The following PAPPA2 variants were observed in gnomAD, a reference collection of about 807,000 sequenced individuals.
PAPPA2 encodes pappalysin 2.
PAPPA2 carries 86 observed loss-of-function variants against 176.4 expected under a neutral mutation model. That is an observed-to-expected ratio of 0.49 (90% CI 0.41 to 0.58). PAPPA2 has a LOEUF of 0.58. Among genes scored for constraint, PAPPA2 ranks in the 20% least tolerant of loss-of-function variants. The probability of loss-of-function intolerance (pLI) is 0.00; values close to 1 mark genes in which losing one functional copy is unlikely to be tolerated. For missense variants in PAPPA2, 2,073 were observed against 2,256.9 expected, an observed-to-expected ratio of 0.92 and a Z score of 1.65; for synonymous variants, 809 against 852.2, an observed-to-expected ratio of 0.95 and a Z score of 0.88.
intron 3 of PAPPA2, among the ~76,000 whole-genome samples, chr1:176,655,237 G>A (rs1028797945): frequency 6.6e-6 from 1 of 151,708 alleles, no homozygotes; most frequent in Non-Finnish European, 1.5e-5. Flanking sequence ...ATTTTGAGAT[G>A]TGTTCCGTCT....
intron 20 of PAPPA2, among the ~76,000 whole-genome samples, chr1:176,795,119 C>T (rs1395948230): frequency 6.6e-6 from 1 of 152,234 alleles, no homozygotes; most frequent in Non-Finnish European, 1.5e-5. Flanking sequence ...GTCCAAGGCA[C>T]CTGCACCCAG....
chr1:176,586,883 G>T (rs1375496684), intron 2 of PAPPA2, among the ~76,000 whole-genome samples: 1 of 152,160 alleles, frequency 6.6e-6, no homozygotes, highest in Non-Finnish European at 1.5e-5. Flanking sequence ...CTTCCACACA[G>T]GATGAATTAA....
At chr1:176,635,788 A>G (rs1656663203) in intron 3 of PAPPA2, among the ~76,000 whole-genome samples, 1 of 152,124 alleles carries the variant, frequency 6.6e-6, no homozygotes, top group Admixed American at 6.6e-5. Flanking sequence ...TTTTATGCTT[A>G]AGTATACTGT....
intron 1 of PAPPA2, among the ~76,000 whole-genome samples, chr1:176,483,874 G>A (rs913854398): frequency 2.8e-4 from 43 of 152,160 alleles, no homozygotes; most frequent in Non-Finnish European, 3.4e-4. Flanking sequence ...CGTCCACAAT[G>A]GCTCCTGAGG....
At chr1:176,773,044 C>T (rs1361714168) in intron 17 of PAPPA2, among the ~76,000 whole-genome samples, 2 of 152,002 alleles carry the variant, frequency 1.3e-5, no homozygotes, top group Non-Finnish European at 2.9e-5. Context: ...AAAACGAGGC[C>T]TCCACCCAGA....
At chr1:176,791,173 ATTTTTT>A (rs57185368) in intron 18 of PAPPA2, among the ~76,000 whole-genome samples, 168 bp from the exon 19 acceptor site, 3 of 80,880 alleles carry the variant, frequency 3.7e-5, no homozygotes, top group South Asian at 4.1e-4. Flanking sequence ...AAAGCAAAGA[ATTTTTT>A]TTTTTTTTTT....
At chr1:176,697,556 T>A (rs1247817434) in intron 7 of PAPPA2, among the ~76,000 whole-genome samples, 4 of 152,212 alleles carry the variant, frequency 2.6e-5, no homozygotes. Flanking sequence ...ATAGGTCTAA[T>A]GAACACTGCT....
At chr1:176,473,462 G>C (rs1651976993) in intron 1 of PAPPA2, among the ~76,000 whole-genome samples, 2 of 152,004 alleles carry the variant, frequency 1.3e-5, no homozygotes. Flanking sequence ...GCAAAATTTT[G>C]GCAATTGTGA....
intron 3 of PAPPA2, among the ~76,000 whole-genome samples, chr1:176,630,457 C>T (rs1656275861): frequency 6.6e-6 from 1 of 152,122 alleles, no homozygotes; most frequent in Admixed American, 6.5e-5. Flanking sequence ...AGGCAAGGAA[C>T]AGATAATGAG....
chr1:176,544,349 G>A (rs1650511091), intron 1 of PAPPA2, among the ~76,000 whole-genome samples: 1 of 152,168 alleles, frequency 6.6e-6, no homozygotes. Flanking sequence ...GTACAGAAAT[G>A]TAGGAGTTGT....
intron 21 of PAPPA2, 107 bp from the exon 22 acceptor site, chr1:176,840,066 G>C (rs1023399057): frequency 2.2e-6 from 2 of 896,390 alleles, no homozygotes; most frequent in Non-Finnish European, 3.5e-6. Context: ...GTGCTTTTCT[G>C]TAATATCTCT....
chr1:176,733,705 C>A (rs1662267964), intron 12 of PAPPA2, among the ~76,000 whole-genome samples: 1 of 152,052 alleles, frequency 6.6e-6, no homozygotes, highest in East Asian at 1.9e-4. Context: ...TCCATAACAC[C>A]TTTTCTCAAT....
intron 12 of PAPPA2, among the ~76,000 whole-genome samples, chr1:176,724,364 C>T (rs529349264): frequency 6.6e-6 from 1 of 152,252 alleles, no homozygotes; most frequent in South Asian, 2.1e-4. Context: ...CCCAGAAAGT[C>T]CTTTGTATCT....
At chr1:176,542,217 A>G (rs768385321) in intron 1 of PAPPA2, among the ~76,000 whole-genome samples, 7 of 152,222 alleles carry the variant, frequency 4.6e-5, no homozygotes, top group Non-Finnish European at 7.3e-5. Flanking sequence ...AATATTTGCC[A>G]TAAAAATGGG....
At chr1:176,524,910 C>T (rs986307248) in intron 1 of PAPPA2, among the ~76,000 whole-genome samples, 2 of 152,108 alleles carry the variant, frequency 1.3e-5, no homozygotes, top group African/African-American at 2.4e-5. Flanking sequence ...GGCGTGATGG[C>T]GGGCGCCTGT....
rs759513622 is a variant in PAPPA2, at chr1:176,595,399, G to A, written c.1795G>A (p.Glu599Lys). ...SKIGNDHCDP[E>K]CEHPLTGYDG... is the part of the protein sequence containing the mutation. ...GATTGGCAATGACCATTGTGACCCC[G>A]AGTGTGAGCACCCACTCACAGGCTA... is the stretch of plus-strand genomic sequence containing the variant. The change falls in exon 3 of 23, where the codon GAG becomes AAG. Residue 599 changes from glutamate to lysine, a missense_variant. Transcript: ENST00000367662. The A allele has an allele frequency of 5.6e-6, 9 of 1,614,076 alleles. No homozygotes were observed. The highest frequency in any genetic ancestry group is 1.3e-5 in the African/African-American group (1 of 74,928).
intron 9 of PAPPA2, among the ~76,000 whole-genome samples, chr1:176,705,483 T>A (rs1471661527): frequency 2.0e-5 from 3 of 152,168 alleles, no homozygotes; most frequent in Non-Finnish European, 2.9e-5. Flanking sequence ...ATCCTTTATC[T>A]ACTGAGTTAA....
chr1:176,658,281 A>C (rs1479779174), intron 3 of PAPPA2, among the ~76,000 whole-genome samples: 1 of 152,142 alleles, frequency 6.6e-6, no homozygotes, highest in Non-Finnish European at 1.5e-5. Context: ...AGGTTGGACT[A>C]GAGTGGATGT....
intron 1 of PAPPA2, among the ~76,000 whole-genome samples, chr1:176,519,866 C>G (rs1199613118): frequency 1.3e-5 from 2 of 152,122 alleles, no homozygotes; most frequent in Non-Finnish European, 1.5e-5. Flanking sequence ...AAAAGAAACC[C>G]TTGGCATTGT....
Sources: gnomAD v4.1 joint callset for allele counts (sites outside exome capture counted in the v4.1 genomes callset) on GRCh38, gnomAD v4.1.1 for gene constraint, MANE v1.5 for transcripts, NCBI Gene and HGNC (gene_info 2026-07-23, HGNC 2026-07-21) for gene names.